Variants in SGCZ observed in about 807,000 individuals in gnomAD.
SGCZ encodes the protein zeta-sarcoglycan.
In SGCZ, 40 loss-of-function variants were observed where a neutral mutation model predicts 41.3. That is an observed-to-expected ratio of 0.97 (90% confidence interval 0.75 to 1.26). SGCZ has a LOEUF of 1.26. Among genes scored for constraint, SGCZ ranks in the 50% most tolerant of loss-of-function variants. SGCZ has a pLI of 0.00. For missense variants in SGCZ, 552 were observed against 369.8 expected (o/e 1.49, Z -4.04); for synonymous variants, 206 against 137.5 (o/e 1.50, Z -3.49).
chr8:14,399,591 A>G (rs975127903), intron 2 of SGCZ, among the ~76,000 whole-genome samples: 5 of 152,056 alleles, frequency 3.3e-5, no homozygotes, highest in African/African-American at 1.2e-4. Context: ...ATTCTGCAGT[A>G]TGTTTTTTTC....
At chr8:14,810,240 G>GTT (rs1801699560) in intron 1 of SGCZ, among the ~76,000 whole-genome samples, 1 of 151,858 alleles carries the variant, frequency 6.6e-6, no homozygotes, top group Admixed American at 6.6e-5. Context: ...ATTTTTTTCT[G>GTT]TTACTGAAAA....
At chr8:14,238,191 T>A (rs979945836) in intron 3 of SGCZ, among the ~76,000 whole-genome samples, 5 of 152,202 alleles carry the variant, frequency 3.3e-5, no homozygotes, top group Non-Finnish European at 7.3e-5. Flanking sequence ...GCAATTTAAT[T>A]TTACGTGTCT....
chr8:15,138,303 T>A (rs1431426064), intron 1 of SGCZ, among the ~76,000 whole-genome samples: 1 of 152,192 alleles, frequency 6.6e-6, no homozygotes, highest in Non-Finnish European at 1.5e-5. Flanking sequence ...GGGACTTGTC[T>A]TGTCTCAGAT....
At chr8:14,762,914 C>G (rs992966848) in intron 1 of SGCZ, among the ~76,000 whole-genome samples, 1 of 152,168 alleles carries the variant, frequency 6.6e-6, no homozygotes, top group Non-Finnish European at 1.5e-5. Context: ...TAAATTTCAT[C>G]TTTGGCATTA....
chr8:14,201,654 C>G (rs189119063), intron 4 of SGCZ, among the ~76,000 whole-genome samples: 32 of 152,182 alleles, frequency 2.1e-4, no homozygotes, highest in African/African-American at 7.7e-4. Context: ...GTTTGACTAC[C>G]AAGGGGCATA....
intron 1 of SGCZ, among the ~76,000 whole-genome samples, chr8:14,715,680 T>C (rs1809665895): frequency 6.6e-6 from 1 of 152,060 alleles, no homozygotes; most frequent in East Asian, 1.9e-4. Context: ...TTTAATAACT[T>C]AAAAAAGCTC....
chr8:14,907,537 C>T (rs1799156237), intron 1 of SGCZ, among the ~76,000 whole-genome samples: 1 of 151,956 alleles, frequency 6.6e-6, no homozygotes, highest in Admixed American at 6.6e-5. Flanking sequence ...GAGCTAAATG[C>T]CTCCAATAAC....
chr8:14,133,378 T>C (rs549374802), intron 5 of SGCZ, among the ~76,000 whole-genome samples: 34 of 152,332 alleles, frequency 2.2e-4, no homozygotes, highest in African/African-American at 7.9e-4. Context: ...TTTTGAGCAA[T>C]TCCATTCCAT....
At chr8:14,225,337 T>A (rs1177071723) in intron 4 of SGCZ, among the ~76,000 whole-genome samples, 1 of 152,084 alleles carries the variant, frequency 6.6e-6, no homozygotes, top group East Asian at 1.9e-4. Flanking sequence ...GTTTTGAAGG[T>A]AAGCTGATTA....
intron 1 of SGCZ, among the ~76,000 whole-genome samples, chr8:14,842,321 A>G (rs1245113634): frequency 6.6e-6 from 1 of 152,046 alleles, no homozygotes; most frequent in East Asian, 1.9e-4. Context: ...CAAAACAAGC[A>G]AATGTCATAG....
chr8:14,309,427 C>T, intron 3 of SGCZ: 2 of 1,606,278 alleles, frequency 1.2e-6, no homozygotes, highest in Admixed American at 1.7e-5. Context: ...CACTTCTGTG[C>T]CTTATTGGAC....
chr8:14,558,779 A>T (rs1247210247), intron 1 of SGCZ, among the ~76,000 whole-genome samples: 1 of 152,118 alleles, frequency 6.6e-6, no homozygotes, highest in Non-Finnish European at 1.5e-5. Context: ...TATCAAAAAG[A>T]TAATTCACCA....
intron 2 of SGCZ, among the ~76,000 whole-genome samples, chr8:14,459,173 A>G (rs960437552): frequency 6.6e-6 from 1 of 152,136 alleles, no homozygotes; most frequent in Non-Finnish European, 1.5e-5. Flanking sequence ...GAGGACAAAA[A>G]ACCAAACACC....
intron 1 of SGCZ, among the ~76,000 whole-genome samples, chr8:14,796,761 T>C (rs909788645): frequency 6.6e-6 from 1 of 152,174 alleles, no homozygotes; most frequent in African/African-American, 2.4e-5. Flanking sequence ...CAAATTGCAG[T>C]TCCTAGAATC....
intron 1 of SGCZ, among the ~76,000 whole-genome samples, chr8:14,584,928 A>C (rs1367274189): frequency 3.9e-5 from 6 of 152,138 alleles, no homozygotes; most frequent in Non-Finnish European, 8.8e-5. Context: ...TGTTAAATAA[A>C]TCTTAAGACT....
intron 2 of SGCZ, among the ~76,000 whole-genome samples, chr8:14,508,272 A>G (rs1445990900): frequency 6.6e-6 from 1 of 152,210 alleles, no homozygotes; most frequent in East Asian, 1.9e-4. Context: ...TATGCCCAGC[A>G]TGTAGAACAG....
At chr8:15,120,568 A>C (rs988279193) in intron 1 of SGCZ, among the ~76,000 whole-genome samples, 14 of 152,214 alleles carry the variant, frequency 9.2e-5, no homozygotes, top group Non-Finnish European at 1.5e-4. Flanking sequence ...TACAGTCCCT[A>C]CAGTGATAAT....
chr8:15,110,668 A>G (rs1807012749), intron 1 of SGCZ, among the ~76,000 whole-genome samples: 1 of 152,174 alleles, frequency 6.6e-6, no homozygotes, highest in African/African-American at 2.4e-5. Context: ...CAGCACCTTC[A>G]TACGAAAGTT....
intron 1 of SGCZ, among the ~76,000 whole-genome samples, chr8:14,812,116 A>T (rs1801755143): frequency 6.6e-6 from 1 of 151,984 alleles, no homozygotes; most frequent in Non-Finnish European, 1.5e-5. Flanking sequence ...ATTTTGAAGC[A>T]ATTTATACAT....
Sources: allele counts gnomAD v4.1 joint callset (sites outside exome capture counted in the v4.1 genomes callset), GRCh38; gene constraint gnomAD v4.1.1; transcripts MANE v1.5; gene names NCBI Gene and HGNC (gene_info 2026-07-23, HGNC 2026-07-21).